The following PPP3CA variants were observed in gnomAD, a reference collection of about 807,000 sequenced individuals.
The protein encoded by PPP3CA is CAM-PRP catalytic subunit.
A neutral mutation model predicts 66.5 loss-of-function variants in PPP3CA; 14 were observed. The ratio of observed to expected loss-of-function variants is 0.21; its 90% CI spans 0.14 to 0.33. The LOEUF (loss-of-function observed/expected upper bound fraction) is 0.33, where lower values mean the gene tolerates loss of function less well. PPP3CA is among the 10% of genes least tolerant of loss of function. PPP3CA has a pLI of 1.00. For synonymous variants in PPP3CA, 232 were observed against 226.2 expected, an observed-to-expected ratio of 1.03 and a Z score of -0.23; for missense variants, 317 against 639.5, an observed-to-expected ratio of 0.50 and a Z score of 5.44.
intron 2 of PPP3CA, among the ~76,000 whole-genome samples, chr4:101,179,007 G>A (rs1175739183): frequency 6.6e-6 from 1 of 152,018 alleles, no homozygotes; most frequent in African/African-American, 2.4e-5. Context: ...TTTGTCTGTG[G>A]AACCTAAGTC....
At chr4:101,041,936 T>C (rs1199700804) in intron 10 of PPP3CA, among the ~76,000 whole-genome samples, 1 of 152,080 alleles carries the variant, frequency 6.6e-6, no homozygotes, top group Non-Finnish European at 1.5e-5. Flanking sequence ...TCAGGGACGG[T>C]AGTCTATAGA....
chr4:101,347,070 T>C lies in PPP3CA; in HGVS notation c.-274A>G. ...CGCGTGTGTGGTGGTTATTTATTTA[T>C]TTTCTGAGCACGCCTCCCGGTTCTT... On this transcript the variant is annotated 5_prime_UTR_variant, in exon 1 of 14. Coordinates refer to ENST00000394854, the MANE Select transcript of PPP3CA (RefSeq NM_000944.5). 2 of 556,284 alleles carry C rather than the reference T, an allele frequency of 3.6e-6. No homozygotes were observed. The highest frequency in any genetic ancestry group is 6.4e-6 in the Non-Finnish European group (2 of 314,862). 34.5% of individuals were successfully genotyped at this position (556,284 alleles called of 1,614,324 possible).
intron 2 of PPP3CA, among the ~76,000 whole-genome samples, chr4:101,135,240 CT>C (rs1722579687): frequency 8.7e-6 from 1 of 114,522 alleles, no homozygotes; most frequent in African/African-American, 5.5e-5. Flanking sequence ...AATTTTAATC[CT>C]TCTCAAAAAA....
intron 1 of PPP3CA, among the ~76,000 whole-genome samples, chr4:101,238,727 T>C (rs1376173849): frequency 1.3e-5 from 2 of 152,154 alleles, no homozygotes; most frequent in South Asian, 4.2e-4. Flanking sequence ...CTTAATCGTT[T>C]TGGTGGGAAG....
At chr4:101,250,728 C>A (rs531987731) in intron 1 of PPP3CA, among the ~76,000 whole-genome samples, 12 of 152,200 alleles carry the variant, frequency 7.9e-5, no homozygotes, top group Admixed American at 5.9e-4. Flanking sequence ...CCATTCTATT[C>A]ATTAGCCTCA....
chr4:101,042,909 A>G (rs1183419155), intron 10 of PPP3CA, among the ~76,000 whole-genome samples: 1 of 150,574 alleles, frequency 6.6e-6, no homozygotes, highest in African/African-American at 2.4e-5. Context: ...TGATGCTTTC[A>G]GTCTAACATT....
intron 1 of PPP3CA, among the ~76,000 whole-genome samples, chr4:101,249,109 G>A (rs1005857779): frequency 4.0e-5 from 6 of 151,756 alleles, no homozygotes; most frequent in South Asian, 4.1e-4. Flanking sequence ...GCAGTGAGCC[G>A]AGATTGCACC....
intron 10 of PPP3CA, among the ~76,000 whole-genome samples, chr4:101,041,202 G>T (rs908756919): frequency 6.6e-5 from 10 of 151,940 alleles, no homozygotes; most frequent in African/African-American, 2.2e-4. Flanking sequence ...ACCATGGTTT[G>T]CATTTTAGTA....
At chr4:101,045,854 A>C (rs1319327834) in intron 10 of PPP3CA, among the ~76,000 whole-genome samples, 2 of 152,262 alleles carry the variant, frequency 1.3e-5, no homozygotes, top group East Asian at 3.8e-4. Flanking sequence ...GTGATAAAGC[A>C]AATATAGTCA....
intron 1 of PPP3CA, among the ~76,000 whole-genome samples, chr4:101,316,647 T>C (rs1335207737): frequency 1.3e-5 from 2 of 152,178 alleles, no homozygotes; most frequent in African/African-American, 4.8e-5. Context: ...AATAGCCAAA[T>C]AGAGAATCCA....
intron 2 of PPP3CA, among the ~76,000 whole-genome samples, chr4:101,116,816 A>G (rs1287419980): frequency 6.6e-6 from 1 of 151,916 alleles, no homozygotes; most frequent in Non-Finnish European, 1.5e-5. Context: ...TTTTCAAAGG[A>G]TAAATATGTT....
chr4:101,129,963 A>C (rs1417765545), intron 2 of PPP3CA, among the ~76,000 whole-genome samples: 1 of 152,132 alleles, frequency 6.6e-6, no homozygotes, highest in African/African-American at 2.4e-5. Flanking sequence ...GAGCTAAAGA[A>C]GCATGTTTTA....
intron 13 of PPP3CA, 108 bp from the exon 14 acceptor site, chr4:101,026,169 C>T: frequency 1.1e-6 from 1 of 917,366 alleles, no homozygotes; most frequent in South Asian, 1.8e-5. Context: ...AGAGGGAATC[C>T]TTCAGTGAAG....
chr4:101,282,715 C>G (rs1038206795), intron 1 of PPP3CA, among the ~76,000 whole-genome samples: 5 of 152,148 alleles, frequency 3.3e-5, no homozygotes, highest in African/African-American at 7.2e-5. Context: ...GCAAGCTTCC[C>G]TTCCTGAGCC....
chr4:101,335,855 C>T (rs1729613012), intron 1 of PPP3CA, among the ~76,000 whole-genome samples: 1 of 152,114 alleles, frequency 6.6e-6, no homozygotes, highest in African/African-American at 2.4e-5. Context: ...TCTCCATTTT[C>T]AAGGGACTCC....
chr4:101,125,839 A>G (rs1722227413), intron 2 of PPP3CA, among the ~76,000 whole-genome samples: 1 of 152,188 alleles, frequency 6.6e-6, no homozygotes, highest in Admixed American at 6.5e-5. Flanking sequence ...ACAGATCTAA[A>G]TCCCTGAACA....
intron 3 of PPP3CA, among the ~76,000 whole-genome samples, chr4:101,107,617 A>T (rs1185065928): frequency 6.6e-6 from 1 of 152,246 alleles, no homozygotes; most frequent in South Asian, 2.1e-4. Flanking sequence ...GGAAATACAT[A>T]TATGTCTACA....
At chr4:101,092,417 T>C (rs550783523) in intron 6 of PPP3CA, among the ~76,000 whole-genome samples, 1 of 148,098 alleles carries the variant, frequency 6.8e-6, no homozygotes, top group East Asian at 1.9e-4. Flanking sequence ...GTGTTGGATT[T>C]TTTTGGTACA....
chr4:101,236,440 G>A (rs1726134183), intron 1 of PPP3CA, among the ~76,000 whole-genome samples: 1 of 151,888 alleles, frequency 6.6e-6, no homozygotes, highest in Non-Finnish European at 1.5e-5. Flanking sequence ...TGGTTGGAGT[G>A]CTAGGCACCA....
Sources: allele counts gnomAD v4.1 joint callset (sites outside exome capture counted in the v4.1 genomes callset), GRCh38; gene constraint gnomAD v4.1.1; transcripts MANE v1.5; gene names NCBI Gene and HGNC (gene_info 2026-07-23, HGNC 2026-07-21).